The following SYNE2 variants were observed in gnomAD, a reference collection of about 807,000 sequenced individuals.
SYNE2 encodes the protein nesprin-2.
SYNE2 carries 431 observed loss-of-function variants against 856.3 expected under a neutral mutation model. The observed-to-expected ratio is 0.50, with a 90% CI of 0.47 to 0.55. The LOEUF (loss-of-function observed/expected upper bound fraction) is 0.55, where lower values mean the gene tolerates loss of function less well. SYNE2 is among the 20% of genes least tolerant of loss of function. The pLI is 0.00. For missense variants in SYNE2, 8,129 were observed against 8,023.2 expected (o/e 1.01, Z -0.50); for synonymous variants, 2,923 against 2,872.3 (o/e 1.02, Z -0.56).
At chr14:64,064,542 ATTTTTT>A (rs369447974) in intron 50 of SYNE2, among the ~76,000 whole-genome samples, 68 of 103,618 alleles carry the variant, frequency 6.6e-4, no homozygotes, top group South Asian at 3.7e-3. Flanking sequence ...GTACTTTTAG[ATTTTTT>A]TTTTTTTTTT....
At chr14:64,136,250 A>G (rs1177357992) in intron 78 of SYNE2, among the ~76,000 whole-genome samples, 9 of 145,062 alleles carry the variant, frequency 6.2e-5, no homozygotes, top group African/African-American at 2.1e-4. Flanking sequence ...AGATAGCGCC[A>G]CTGTACTCCA....
In SYNE2 at chr14:64,025,100, T is replaced by C. The variant is rs145260212; in HGVS notation, c.5961-30T>C. ...TTCTTCCATGGTGTGGTTACTCCTATAAACTTTAAGTGGTATTTGGAATTT... is the reference window on the plus strand; with the variant it reads ...TTCTTCCATGGTGTGGTTACTCCTACAAACTTTAAGTGGTATTTGGAATTT... On this transcript the variant is annotated intron_variant, in intron 40 of 115. Coordinates refer to ENST00000555002, the MANE Select transcript of SYNE2 (RefSeq NM_182914.3). The C allele has an allele frequency of 6.5e-5, 105 of 1,614,052 alleles. No homozygotes were observed. In the East Asian group the frequency reaches 2.2e-3, roughly 34 times the overall value.
chr14:64,072,704 T>C (rs1191970678), intron 52 of SYNE2, among the ~76,000 whole-genome samples: 1 of 152,214 alleles, frequency 6.6e-6, no homozygotes, highest in Non-Finnish European at 1.5e-5. Flanking sequence ...TTTCACCATG[T>C]TGCCCAGGGT....
At chr14:63,867,410 A>G (rs929059962) in intron 1 of SYNE2, among the ~76,000 whole-genome samples, 1 of 148,266 alleles carries the variant, frequency 6.7e-6, no homozygotes, top group African/African-American at 2.5e-5. Context: ...AGAGAGAGAG[A>G]GAAAGGGCCA....
At position 64,002,947 on chromosome 14, in the gene SYNE2, T is replaced by A; in HGVS notation, c.4014T>A (p.Ser1338=). ...CGTCTCTCAGAACAGCTAAACTCTC[T>A]GCTGAGCCCGTTACAGACCTTTCAG... ...FLASLRTAKL[S]AEPVTDLSAS... The change falls in exon 30 of 116, where the codon TCT becomes TCA. Residue 1338 remains serine, a synonymous_variant. Transcript: ENST00000555002. 6.2e-7 allele frequency: 1 copy of A among 1,614,210 alleles called. No homozygotes were observed. The highest frequency in any genetic ancestry group is 1.6e-4 in the Middle Eastern group (1 of 6,062).
At chr14:64,153,794 G>A (rs1345309773) in intron 85 of SYNE2, among the ~76,000 whole-genome samples, 1 of 152,120 alleles carries the variant, frequency 6.6e-6, no homozygotes, top group Non-Finnish European at 1.5e-5. Flanking sequence ...AATAATGCAT[G>A]TGAAAACATG....
At chr14:64,193,015 T>C (rs907161192) in intron 99 of SYNE2, among the ~76,000 whole-genome samples, 2 of 152,214 alleles carry the variant, frequency 1.3e-5, no homozygotes, top group Non-Finnish European at 2.9e-5. Flanking sequence ...CAGCCTTACA[T>C]AGAATCAGCC....
chr14:64,004,953 G>A lies in SYNE2; in HGVS notation c.4397+1623G>A, dbSNP rs111968953. On this transcript the variant is annotated intron_variant, in intron 30 of 115. Transcript: ENST00000555002. The stretch of plus-strand genomic sequence containing the variant: ...GCTATTGAACAGGGTAATCAGGGAA[G>A]GCCTCACTGAGAAGGTGGCCTTGGC... Among the ~76,000 whole-genome samples the A allele has an allele frequency of 2.9e-3, 439 of 152,326 alleles. 3 individuals are homozygous for A. The highest frequency in any genetic ancestry group is 9.5e-3 in the African/African-American group (395 of 41,566).
At chr14:64,054,385 AT>A (rs2097252477) in intron 48 of SYNE2, among the ~76,000 whole-genome samples, 1 of 152,212 alleles carries the variant, frequency 6.6e-6, no homozygotes, top group Non-Finnish European at 1.5e-5. Flanking sequence ...TAAAAATTTC[AT>A]GTTGAATTTT....
intron 106 of SYNE2, 194 bp downstream of exon 106, chr14:64,214,664 GA>G (rs2140252809): frequency 1.6e-6 from 1 of 617,564 alleles, no homozygotes; most frequent in Non-Finnish European, 2.8e-6. Flanking sequence ...CAGGTGGAAT[GA>G]AAGGGGGAAA....
intron 25 of SYNE2, among the ~76,000 whole-genome samples, chr14:63,997,592 TC>T (rs1241166983): frequency 1.3e-5 from 2 of 151,620 alleles, no homozygotes; most frequent in African/African-American, 4.9e-5. Flanking sequence ...CATAACCTAA[TC>T]TTCTTCTGAG....
intron 1 of SYNE2, among the ~76,000 whole-genome samples, chr14:63,783,480 GA>G (rs759679199): frequency 1.8e-4 from 28 of 152,082 alleles, no homozygotes; most frequent in Non-Finnish European, 2.8e-4. Flanking sequence ...CGGGTTCAAG[GA>G]ATTCTCCTGC....
chr14:63,916,713 T>A (rs2095537478), intron 2 of SYNE2, among the ~76,000 whole-genome samples: 1 of 152,178 alleles, frequency 6.6e-6, no homozygotes, highest in East Asian at 1.9e-4. Flanking sequence ...ATTCTGTTTA[T>A]GAGAGAAGAC....
intron 31 of SYNE2, among the ~76,000 whole-genome samples, chr14:64,009,535 C>CAA (rs67434536): frequency 3.0e-3 from 231 of 76,640 alleles, no homozygotes; most frequent in Non-Finnish European, 3.9e-3. Flanking sequence ...GACTCTGTCT[C>CAA]AAAAAAAAAA....
rs2097995502 is a variant in SYNE2 at position 64,129,879 on chromosome 14, T to C, written c.14117T>C (p.Leu4706Pro). The change falls in exon 75 of 116, where the codon CTC becomes CCC. Residue 4706 changes from leucine to proline, a missense_variant. Physicochemically the swap from Leu to Pro is moderately conservative, Grantham distance 98. Transcript: ENST00000555002. ...AGGCTTCATTTACCTTATGCTTTAC[T>C]CCAGGAGGTTTACAAATTAGAGGTA... ...GERLHLPYAL[L>P]QEVYKLEDVL... 3.1e-6 allele frequency: 5 copies of C among 1,614,156 alleles called. No homozygotes were observed. Among genetic ancestry groups the C allele is most frequent in the African/African-American group, 2.7e-5 (2 of 75,040 alleles).
Position 63,991,029 on chromosome 14 carries a change from C to T in SYNE2, c.2560C>T (p.Gln854Ter). The T allele has an allele frequency of 6.2e-7, 1 of 1,614,082 alleles. No homozygotes were observed. The highest frequency in any genetic ancestry group is 8.5e-7 in the Non-Finnish European group (1 of 1,179,994). Residue 854 changes from glutamine to a stop codon, truncating the protein, a stop_gained, in exon 21 of 116, where the codon CAG (glutamine) becomes TAG (stop). Transcript: ENST00000555002. LOFTEE classifies it high-confidence loss of function. ...LDIRLKMEES[Q>*]KELESYMMRA... Reference sequence around the variant, plus strand: ...CATCAGGCTGAAGATGGAAGAATCCCAGAAGGAACTTGAATCATATATGAT... The same window carrying T: ...CATCAGGCTGAAGATGGAAGAATCCTAGAAGGAACTTGAATCATATATGAT...
rs1594952257 is a variant in SYNE2 at position 64,026,563 on chromosome 14, C to T, written c.6253-16C>T. On this transcript the variant is annotated splice_polypyrimidine_tract_variant and intron_variant, in intron 41 of 115. Transcript: ENST00000555002. Reference sequence around the variant, plus strand: ...TAATGCAAATGACATTATAAAATCTCTTTTATTTAATTCAGGAAATCATTT... The same window carrying T: ...TAATGCAAATGACATTATAAAATCTTTTTTATTTAATTCAGGAAATCATTT... 6.2e-7 allele frequency: 1 copy of T among 1,602,398 alleles called. No individual in the cohort carries two copies. The highest frequency in any genetic ancestry group is 8.5e-7 in the Non-Finnish European group (1 of 1,171,030).
intron 61 of SYNE2, among the ~76,000 whole-genome samples, chr14:64,097,660 C>T (rs144338317): frequency 6.6e-5 from 10 of 152,348 alleles, no homozygotes; most frequent in South Asian, 2.1e-4. Flanking sequence ...ACCACAGTCA[C>T]GTGTGGAGCA....
At chr14:64,109,228 C>G (rs1161539883) in intron 65 of SYNE2, among the ~76,000 whole-genome samples, 1 of 150,676 alleles carries the variant, frequency 6.6e-6, no homozygotes, top group Non-Finnish European at 1.5e-5. Context: ...GTGTGGATAA[C>G]CTCTAGGGTC....
Sources: gnomAD v4.1 joint callset for allele counts (sites outside exome capture counted in the v4.1 genomes callset) on GRCh38, gnomAD v4.1.1 for gene constraint, MANE v1.5 for transcripts, NCBI Gene and HGNC (gene_info 2026-07-23, HGNC 2026-07-21) for gene names.